UNC5C: variants seen among roughly 807,000 people sequenced by gnomAD.
UNC5C encodes unc-5 netrin receptor C.
A neutral mutation model predicts 99.8 loss-of-function variants in UNC5C; 47 were observed. The observed-to-expected ratio is 0.47, with a 90% CI of 0.37 to 0.60. The LOEUF (loss-of-function observed/expected upper bound fraction) is 0.60, where lower values mean the gene tolerates loss of function less well. UNC5C is among the 20% of genes least tolerant of loss of function. The probability of loss-of-function intolerance (pLI) is 0.00; values close to 1 mark genes in which losing one functional copy is unlikely to be tolerated. For synonymous variants in UNC5C, 487 were observed against 452.2 expected (o/e 1.08, Z -0.98); for missense variants, 1,062 against 1,165.9 (o/e 0.91, Z 1.30).
At chr4:95,545,389 A>C (rs910587622) in intron 1 of UNC5C, among the ~76,000 whole-genome samples, 1 of 152,184 alleles carries the variant, frequency 6.6e-6, no homozygotes, top group East Asian at 1.9e-4. Context: ...GCATATTCCT[A>C]ATGTGAATTC....
At chr4:95,230,031 G>C (rs1056916224) in intron 7 of UNC5C, among the ~76,000 whole-genome samples, 2 of 151,628 alleles carry the variant, frequency 1.3e-5, no homozygotes, top group Non-Finnish European at 2.9e-5. Flanking sequence ...GGCTGGTCTC[G>C]AACTCCTGAC....
At chr4:95,345,933 A>G (rs753753916) in intron 1 of UNC5C, among the ~76,000 whole-genome samples, 2 of 151,970 alleles carry the variant, frequency 1.3e-5, no homozygotes, top group Admixed American at 6.6e-5. Context: ...CTAAACATTC[A>G]TCTTAATAAA....
At chr4:95,503,076 C>A (rs1472125711) in intron 1 of UNC5C, among the ~76,000 whole-genome samples, 1 of 152,100 alleles carries the variant, frequency 6.6e-6, no homozygotes, top group Non-Finnish European at 1.5e-5. Context: ...TCCCAAAATT[C>A]ATGTGTTGGA....
intron 1 of UNC5C, among the ~76,000 whole-genome samples, chr4:95,467,633 A>G (rs1000725961): frequency 4.6e-5 from 7 of 152,166 alleles, no homozygotes; most frequent in Admixed American, 4.6e-4. Context: ...GCATAAAAGT[A>G]TTGATTCCAG....
At chr4:95,467,500 A>G (rs4444836) in intron 1 of UNC5C, among the ~76,000 whole-genome samples, 32,971 of 152,094 alleles carry the variant, frequency 0.22, 4,233 homozygotes, top group East Asian at 0.36. Flanking sequence ...GGAAGTTACA[A>G]TCATCATTAT....
intron 1 of UNC5C, among the ~76,000 whole-genome samples, chr4:95,485,408 A>G (rs894266962): frequency 6.6e-6 from 1 of 151,832 alleles, no homozygotes; most frequent in African/African-American, 2.4e-5. Flanking sequence ...GATCTGTAAG[A>G]ACTTGTTGTA....
At position 95,210,482 on chromosome 4, in the gene UNC5C, A is replaced by G. The variant is rs144445018; in HGVS notation, c.1734-3686T>C. Among the ~76,000 whole-genome samples the G allele has an allele frequency of 2.9e-3, 447 of 152,320 alleles. 2 individuals are homozygous for G. Among genetic ancestry groups the G allele is most frequent in the African/African-American group, 1.0e-2 (415 of 41,570 alleles). ...TATACAAAGGAAGCTATTAAATCAC[A>G]TAGAAGAAAATAGCAGAAAATAAAA... On this transcript the variant is annotated intron_variant, in intron 10 of 15. Coordinates refer to ENST00000453304, the MANE Select transcript of UNC5C (RefSeq NM_003728.4).
intron 1 of UNC5C, among the ~76,000 whole-genome samples, chr4:95,527,762 A>T (rs1262428811): frequency 6.6e-6 from 1 of 152,170 alleles, no homozygotes; most frequent in Admixed American, 6.5e-5. Context: ...TTATTAATCT[A>T]GAATATGAAG....
intron 10 of UNC5C, among the ~76,000 whole-genome samples, chr4:95,215,107 GCAT>G (rs1738202622): frequency 6.6e-6 from 1 of 152,306 alleles, no homozygotes; most frequent in South Asian, 2.1e-4. Context: ...CCACCTGAGA[GCAT>G]AATACAAAAG....
chr4:95,540,086 C>A (rs781050443), intron 1 of UNC5C, among the ~76,000 whole-genome samples: 2 of 152,054 alleles, frequency 1.3e-5, no homozygotes, highest in Non-Finnish European at 2.9e-5. Flanking sequence ...TTTTATAAAA[C>A]CCCTGGAGGA....
chr4:95,527,617 G>A (rs1405657932), intron 1 of UNC5C, among the ~76,000 whole-genome samples: 1 of 151,812 alleles, frequency 6.6e-6, no homozygotes, highest in African/African-American at 2.4e-5. Context: ...AATTGCTTTT[G>A]TAATTACTAT....
At chr4:95,390,058 C>T (rs1745314865) in intron 1 of UNC5C, among the ~76,000 whole-genome samples, 1 of 152,012 alleles carries the variant, frequency 6.6e-6, no homozygotes, top group African/African-American at 2.4e-5. Context: ...ACTGAAATGA[C>T]ATTATTTTTC....
At chr4:95,387,602 T>C (rs1295453859) in intron 1 of UNC5C, among the ~76,000 whole-genome samples, 1 of 152,188 alleles carries the variant, frequency 6.6e-6, no homozygotes, top group African/African-American at 2.4e-5. Flanking sequence ...AACTCAATAC[T>C]AAAGGTTTTT....
At chr4:95,188,347 G>A (rs983446607) in intron 12 of UNC5C, among the ~76,000 whole-genome samples, 4 of 152,080 alleles carry the variant, frequency 2.6e-5, no homozygotes, top group African/African-American at 9.7e-5. Flanking sequence ...AAAAAGGAGA[G>A]GACAAAAACC....
At chr4:95,403,669 T>TA (rs1745759705) in intron 1 of UNC5C, among the ~76,000 whole-genome samples, 1 of 152,220 alleles carries the variant, frequency 6.6e-6, no homozygotes, top group Non-Finnish European at 1.5e-5. Flanking sequence ...TCTCCTCTGG[T>TA]CTTTGTCCAT....
chr4:95,481,272 G>T (rs1488998265), intron 1 of UNC5C, among the ~76,000 whole-genome samples: 1 of 152,002 alleles, frequency 6.6e-6, no homozygotes, highest in African/African-American at 2.4e-5. Context: ...GCTTCAAAGA[G>T]AATAAAATAC....
intron 1 of UNC5C, among the ~76,000 whole-genome samples, chr4:95,354,410 G>A (rs947462113): frequency 2.0e-5 from 3 of 148,152 alleles, no homozygotes; most frequent in African/African-American, 5.1e-5. Context: ...CACACAACAC[G>A]CAGTTTCTAC....
At chr4:95,474,640 C>A (rs977640076) in intron 1 of UNC5C, among the ~76,000 whole-genome samples, 2 of 152,028 alleles carry the variant, frequency 1.3e-5, no homozygotes, top group Non-Finnish European at 2.9e-5. Flanking sequence ...AAACTAATAC[C>A]TTTGGGACCA....
intron 1 of UNC5C, among the ~76,000 whole-genome samples, chr4:95,413,388 C>A (rs1746058526): frequency 6.6e-6 from 1 of 152,156 alleles, no homozygotes; most frequent in Non-Finnish European, 1.5e-5. Context: ...AAGGCCCACC[C>A]ATGGTGGGGC....
Sources: gnomAD v4.1 joint callset for allele counts (sites outside exome capture counted in the v4.1 genomes callset) on GRCh38, gnomAD v4.1.1 for gene constraint, MANE v1.5 for transcripts, NCBI Gene and HGNC (gene_info 2026-07-23, HGNC 2026-07-21) for gene names.